Variants in BABAM2 observed in about 807,000 individuals in gnomAD.
BABAM2 encodes the protein BRISC and BRCA1 A complex member 2, also known as BRISC and BRCA1-A complex member 2.
In BABAM2, 31 loss-of-function variants were observed where a neutral mutation model predicts 54.7. The ratio of observed to expected loss-of-function variants is 0.57; its 90% confidence interval spans 0.43 to 0.77. BABAM2 has a LOEUF of 0.77. Ranked by LOEUF, BABAM2 falls within the 30% of genes least tolerant of loss-of-function variation. The probability of loss-of-function intolerance (pLI) is 0.00; values close to 1 mark genes in which losing one functional copy is unlikely to be tolerated. For synonymous variants in BABAM2, 167 were observed against 162.9 expected (o/e 1.03, Z -0.19); for missense variants, 364 against 455.8 (o/e 0.80, Z 1.83).
At chr2:28,013,265 T>G in intron 4 of BABAM2, 1 of 430,028 alleles carries the variant, frequency 2.3e-6, no homozygotes, top group Admixed American at 2.5e-5. Flanking sequence ...TGGCACAAAA[T>G]TGAGATGATA....
intron 6 of BABAM2, among the ~76,000 whole-genome samples, chr2:28,105,289 C>T (rs1051597558): frequency 3.9e-5 from 6 of 151,944 alleles, no homozygotes; most frequent in Admixed American, 2.6e-4. Flanking sequence ...TAAATAATGT[C>T]CCTGGACTTA....
At chr2:28,074,287 G>T (rs1573526084) in intron 6 of BABAM2, among the ~76,000 whole-genome samples, 1 of 152,152 alleles carries the variant, frequency 6.6e-6, no homozygotes, top group East Asian at 1.9e-4. Context: ...ATTTTTGCTG[G>T]GGGCTATCAT....
intron 6 of BABAM2, among the ~76,000 whole-genome samples, chr2:28,094,282 G>A (rs1666410850): frequency 6.6e-6 from 1 of 151,988 alleles, no homozygotes; most frequent in African/African-American, 2.4e-5. Context: ...GATGTTTTTG[G>A]TCTTGTTCGT....
At chr2:28,163,747 G>A (rs1416351705) in intron 7 of BABAM2, among the ~76,000 whole-genome samples, 1 of 152,208 alleles carries the variant, frequency 6.6e-6, no homozygotes, top group Non-Finnish European at 1.5e-5. Flanking sequence ...AAGATCGGCT[G>A]GGCTGATGGA....
At chr2:28,333,841 C>T (rs1691179134) in intron 11 of BABAM2, among the ~76,000 whole-genome samples, 1 of 152,228 alleles carries the variant, frequency 6.6e-6, no homozygotes, top group Admixed American at 6.5e-5. Flanking sequence ...AAGCTTACTA[C>T]ATACTTTGTC....
At chr2:28,057,042 T>C (rs1175952229) in intron 6 of BABAM2, among the ~76,000 whole-genome samples, 1 of 152,192 alleles carries the variant, frequency 6.6e-6, no homozygotes, top group Admixed American at 6.5e-5. Flanking sequence ...ATTTTAAAAC[T>C]TATAGGCTAG....
At chr2:27,987,932 C>A in intron 3 of BABAM2, 61 bp from the exon 4 acceptor site, 2 of 1,423,738 alleles carry the variant, frequency 1.4e-6, no homozygotes, top group Non-Finnish European at 2.0e-6. Context: ...CTGATACAGT[C>A]TTCAGAATAT....
chr2:28,189,780 C>T (rs1035792514), intron 7 of BABAM2, among the ~76,000 whole-genome samples: 3 of 151,394 alleles, frequency 2.0e-5, no homozygotes, highest in Admixed American at 6.6e-5. Flanking sequence ...ATTGACAAGC[C>T]GATTCTAAAA....
chr2:28,080,889 C>G (rs72814437), intron 6 of BABAM2, among the ~76,000 whole-genome samples: 11,690 of 152,124 alleles, frequency 0.077, 487 homozygotes, highest in South Asian at 0.13. Context: ...CCTATTCAAA[C>G]AGTGAAGTTA....
chr2:28,243,036 T>C (rs1226714110), intron 9 of BABAM2, among the ~76,000 whole-genome samples: 1 of 152,188 alleles, frequency 6.6e-6, no homozygotes, highest in Non-Finnish European at 1.5e-5. Flanking sequence ...CACAGCTCAC[T>C]CTATTGAAGT....
intron 6 of BABAM2, among the ~76,000 whole-genome samples, chr2:28,092,808 C>G (rs1309235620): frequency 1.3e-5 from 2 of 150,878 alleles, no homozygotes; most frequent in African/African-American, 4.9e-5. Flanking sequence ...ATCATTTGTA[C>G]TTATTCTTGC....
intron 11 of BABAM2, among the ~76,000 whole-genome samples, chr2:28,320,996 C>T (rs1689978676): frequency 6.6e-6 from 1 of 152,210 alleles, no homozygotes. Context: ...ACTTATTCAA[C>T]AAATGTTATA....
At chr2:28,287,948 G>A (rs1299695587) in intron 10 of BABAM2, among the ~76,000 whole-genome samples, 1 of 152,114 alleles carries the variant, frequency 6.6e-6, no homozygotes, top group Non-Finnish European at 1.5e-5. Flanking sequence ...AGTGGATGAA[G>A]CAGAGGGACA....
At chr2:28,133,956 C>T (rs1670308870) in intron 7 of BABAM2, among the ~76,000 whole-genome samples, 1 of 152,106 alleles carries the variant, frequency 6.6e-6, no homozygotes, top group Non-Finnish European at 1.5e-5. Context: ...AGCCCTGCCG[C>T]ACGTGGCTGC....
intron 6 of BABAM2, among the ~76,000 whole-genome samples, chr2:28,125,753 T>TAC (rs1412185254): frequency 6.6e-6 from 1 of 152,186 alleles, no homozygotes; most frequent in African/African-American, 2.4e-5. Context: ...GAGACAAGCA[T>TAC]ACACACACAA....
At chr2:28,020,764 T>A (rs928265098) in intron 4 of BABAM2, among the ~76,000 whole-genome samples, 1 of 152,160 alleles carries the variant, frequency 6.6e-6, no homozygotes, top group Non-Finnish European at 1.5e-5. Context: ...TAACAGTTTT[T>A]AAAACAGTTC....
At position 28,304,430 on chromosome 2, in the gene BABAM2, A is replaced by C. The variant is rs2148258777; in HGVS notation, c.1088+5939A>C. Among the ~76,000 whole-genome samples the C allele has an allele frequency of 6.6e-6, 1 of 150,622 alleles. No homozygotes were observed. The highest frequency in any genetic ancestry group is 2.4e-5 in the African/African-American group (1 of 41,312). On this transcript the variant is annotated intron_variant, in intron 11 of 11. Coordinates refer to ENST00000379624, the MANE Select transcript of BABAM2 (RefSeq NM_199191.3). The surrounding 1 kb of genome is among the most constrained non-coding windows in gnomAD (Gnocchi z 4.0). ...TATAAATATATAAAAATATAAACAA[A>C]ATTTTTAAAAATTTATTTTCTAGTT...
At chr2:28,334,359 C>A (rs1691233898) in intron 11 of BABAM2, among the ~76,000 whole-genome samples, 1 of 152,258 alleles carries the variant, frequency 6.6e-6, no homozygotes, top group Non-Finnish European at 1.5e-5. Context: ...CCGGACCCGA[C>A]CCCTGCCCAG....
intron 6 of BABAM2, among the ~76,000 whole-genome samples, chr2:28,049,680 T>A (rs1573474015): frequency 6.6e-6 from 1 of 152,228 alleles, no homozygotes; most frequent in East Asian, 1.9e-4. Flanking sequence ...ACTGTGGCTG[T>A]ACTGATCAGT....
Sources: allele counts gnomAD v4.1 joint callset (sites outside exome capture counted in the v4.1 genomes callset), GRCh38; gene constraint gnomAD v4.1.1; non-coding constraint Gnocchi (gnomAD v3.1); transcripts MANE v1.5; gene names NCBI Gene and HGNC (gene_info 2026-07-23, HGNC 2026-07-21).